The following CDH13 variants were observed in gnomAD, a reference collection of about 807,000 sequenced individuals.
CDH13 encodes the protein cadherin-13.
A neutral mutation model predicts 63.8 loss-of-function variants in CDH13; 24 were observed. The observed-to-expected ratio is 0.38, with a 90% confidence interval of 0.27 to 0.53. The LOEUF (loss-of-function observed/expected upper bound fraction) is 0.53. Among genes scored for constraint, CDH13 ranks in the 20% least tolerant of loss-of-function variants. The pLI is 0.85. For missense variants in CDH13, 1,049 were observed against 903.1 expected (o/e 1.16, Z -2.07); for synonymous variants, 503 against 355.3 (o/e 1.42, Z -4.67).
chr16:82,786,405 T>C (rs543573880), intron 1 of CDH13, among the ~76,000 whole-genome samples: 1 of 151,138 alleles, frequency 6.6e-6, no homozygotes, highest in Non-Finnish European at 1.5e-5. Flanking sequence ...TTACTTGCAA[T>C]GATCCTTTGA....
intron 5 of CDH13, among the ~76,000 whole-genome samples, chr16:83,219,548 G>A (rs1280985843): frequency 1.3e-5 from 2 of 152,190 alleles, no homozygotes; most frequent in Non-Finnish European, 2.9e-5. Flanking sequence ...TGGAAACATA[G>A]TAAGCATCAT....
Position 83,404,106 on chromosome 16 carries a change from C to G in CDH13, c.781+59100C>G, listed in dbSNP as rs115265980. Among the ~76,000 whole-genome samples, 593 of 152,292 alleles carry G rather than the reference C, an allele frequency of 3.9e-3. 6 individuals carry two copies. The highest frequency in any genetic ancestry group is 0.014 in the African/African-American group (569 of 41,560). ...AAAAATGTTCATACAAGGAGTCAGG[C>G]TCTTGGCTCAGAAAATTCTGAAGAA... On this transcript the variant is annotated intron_variant, in intron 6 of 13. Transcript: ENST00000567109.
intron 8 of CDH13, among the ~76,000 whole-genome samples, chr16:83,625,107 G>T (rs1910169124): frequency 6.6e-6 from 1 of 152,130 alleles, no homozygotes; most frequent in African/African-American, 2.4e-5. Context: ...ACATTTACCA[G>T]CACAATACTG....
intron 7 of CDH13, among the ~76,000 whole-genome samples, chr16:83,538,058 A>G (rs1237131264): frequency 6.6e-6 from 1 of 152,168 alleles, no homozygotes; most frequent in Non-Finnish European, 1.5e-5. Context: ...GATGTTTCCT[A>G]AACAAGTTGA....
intron 7 of CDH13, among the ~76,000 whole-genome samples, chr16:83,532,287 C>A (rs958003858): frequency 1.3e-5 from 2 of 152,142 alleles, no homozygotes; most frequent in African/African-American, 2.4e-5. Flanking sequence ...GTAGAAGTCA[C>A]TCCTCAAAGG....
chr16:82,877,526 C>G (rs1198456045), intron 2 of CDH13, among the ~76,000 whole-genome samples: 2 of 152,268 alleles, frequency 1.3e-5, no homozygotes, highest in East Asian at 3.9e-4. Flanking sequence ...TTAGCATTTC[C>G]CAAACTTCTG....
At chr16:83,081,190 C>A (rs2033228765) in intron 3 of CDH13, among the ~76,000 whole-genome samples, 1 of 152,028 alleles carries the variant, frequency 6.6e-6, no homozygotes. Flanking sequence ...AAGATAGAGT[C>A]TTTTAACTTT....
At chr16:82,962,020 A>G (rs1313648457) in intron 2 of CDH13, among the ~76,000 whole-genome samples, 1 of 151,974 alleles carries the variant, frequency 6.6e-6, no homozygotes, top group Non-Finnish European at 1.5e-5. Context: ...CCATGGTAAA[A>G]TAACATAGAT....
At chr16:83,126,389 A>G (rs1410780490) in intron 4 of CDH13, among the ~76,000 whole-genome samples, 1 of 152,170 alleles carries the variant, frequency 6.6e-6, no homozygotes, top group Non-Finnish European at 1.5e-5. Context: ...GAATATGGCT[A>G]ATTAGGCAGG....
chr16:83,159,687 G>A lies in CDH13; in HGVS notation c.483+34186G>A, dbSNP rs550058647. On this transcript the variant is annotated intron_variant, in intron 4 of 13. Coordinates refer to ENST00000567109, the MANE Select transcript of CDH13 (RefSeq NM_001257.5). Reference sequence around the variant, plus strand: ...TATAACTTTAATTTCTCATTTGAACGTACATGGCATCCATTTAACCAACTC... The same window carrying A: ...TATAACTTTAATTTCTCATTTGAACATACATGGCATCCATTTAACCAACTC... Among the ~76,000 whole-genome samples the A allele has an allele frequency of 4.6e-5, 7 of 152,244 alleles. No individual in the cohort carries two copies. In the East Asian group the frequency reaches 5.8e-4, roughly 13 times the overall value.
At chr16:82,705,951 A>AT (rs1399041732) in intron 1 of CDH13, among the ~76,000 whole-genome samples, 2 of 152,152 alleles carry the variant, frequency 1.3e-5, no homozygotes, top group African/African-American at 4.8e-5. Context: ...ATGCAGCCTT[A>AT]TATACAGGCT....
chr16:83,751,191 C>G (rs1355076356), intron 11 of CDH13, among the ~76,000 whole-genome samples: 1 of 152,176 alleles, frequency 6.6e-6, no homozygotes, highest in Non-Finnish European at 1.5e-5. Context: ...AGCAGGCACT[C>G]ACATGCCTGT....
At chr16:83,296,210 C>G (rs769496279) in intron 5 of CDH13, among the ~76,000 whole-genome samples, 1 of 152,148 alleles carries the variant, frequency 6.6e-6, no homozygotes, top group African/African-American at 2.4e-5. Context: ...CTTTGTGCTT[C>G]TCTGTCCTTA....
At chr16:83,253,570 C>A (rs1288910065) in intron 5 of CDH13, among the ~76,000 whole-genome samples, 1 of 152,202 alleles carries the variant, frequency 6.6e-6, no homozygotes, top group Admixed American at 6.5e-5. Flanking sequence ...AGCTGTCAAC[C>A]TCAGGGGCTG....
chr16:83,217,507 C>T lies in CDH13; in HGVS notation c.636+10C>T. ...AATCGCTGTTTATCAAGTGAGTACC[C>T]CTCTCCCATGCCCACCCTGTGCGCA... On this transcript the variant is annotated intron_variant, in intron 5 of 13. Coordinates refer to ENST00000567109, the MANE Select transcript of CDH13 (RefSeq NM_001257.5). 1.2e-6 allele frequency: 2 copies of T among 1,610,992 alleles called. No homozygotes were observed. Among genetic ancestry groups the T allele is most frequent in the Non-Finnish European group, 1.7e-6 (2 of 1,177,790 alleles).
chr16:83,648,838 T>C (rs936980972), intron 8 of CDH13, among the ~76,000 whole-genome samples: 3 of 152,156 alleles, frequency 2.0e-5, no homozygotes, highest in Admixed American at 6.5e-5. Context: ...TCGCTGTTTC[T>C]TTCTTCTTCC....
At chr16:82,978,386 T>A (rs1314820085) in intron 2 of CDH13, among the ~76,000 whole-genome samples, 3 of 152,206 alleles carry the variant, frequency 2.0e-5, no homozygotes, top group Admixed American at 2.0e-4. Context: ...AGGGAAAATG[T>A]CTCCAGGGCA....
At chr16:83,285,320 T>G (rs980424769) in intron 5 of CDH13, among the ~76,000 whole-genome samples, 5 of 152,130 alleles carry the variant, frequency 3.3e-5, no homozygotes, top group African/African-American at 1.2e-4. Context: ...TTTATTATTT[T>G]TGTCCATTTG....
intron 1 of CDH13, among the ~76,000 whole-genome samples, chr16:82,643,831 C>T (rs1909726317): frequency 6.6e-6 from 1 of 151,960 alleles, no homozygotes; most frequent in African/African-American, 2.4e-5. Flanking sequence ...CAGCCTTGAC[C>T]ACCTGAGCTC....
Sources: allele counts gnomAD v4.1 joint callset (sites outside exome capture counted in the v4.1 genomes callset), GRCh38; gene constraint gnomAD v4.1.1; transcripts MANE v1.5; gene names NCBI Gene and HGNC (gene_info 2026-07-23, HGNC 2026-07-21).